Variants in DNM3 observed in about 807,000 individuals in gnomAD.
DNM3 encodes the protein dynamin-3.
A neutral mutation model predicts 101.6 loss-of-function variants in DNM3; 47 were observed. That is an observed-to-expected ratio of 0.46 (90% confidence interval 0.37 to 0.59). The LOEUF (loss-of-function observed/expected upper bound fraction) is 0.59. Ranked by LOEUF, DNM3 falls within the 20% of genes least tolerant of loss-of-function variation. The probability of loss-of-function intolerance (pLI) is 0.00; values close to 1 mark genes in which losing one functional copy is unlikely to be tolerated. For missense variants in DNM3, 849 were observed against 1,085.7 expected, an observed-to-expected ratio of 0.78 and a Z score of 3.06; for synonymous variants, 385 against 387.9, an observed-to-expected ratio of 0.99 and a Z score of 0.09.
rs191833281 is a variant in DNM3, at chr1:171,880,842, C to G, written c.161+39025C>G. Among the ~76,000 whole-genome samples the G allele has an allele frequency of 2.0e-4, 30 of 151,974 alleles. No homozygotes were observed. In the East Asian group the frequency reaches 4.8e-3, roughly 24 times the overall value. ...TATCAGAAAATGATTCCAAAAAGTT[C>G]TTCTGTGAGTTTTATCAACCAGGAG... is the stretch of plus-strand genomic sequence containing the variant. On this transcript the variant is annotated intron_variant, in intron 1 of 20. Transcript: ENST00000627582.
chr1:172,297,058 G>A (rs551792951), intron 15 of DNM3, among the ~76,000 whole-genome samples: 74 of 150,800 alleles, frequency 4.9e-4, no homozygotes, highest in Middle Eastern at 3.4e-3. Flanking sequence ...CAGGAGAATC[G>A]CTTGAACCTG....
chr1:172,059,713 T>C (rs1193292163), intron 10 of DNM3, among the ~76,000 whole-genome samples: 1 of 134,242 alleles, frequency 7.4e-6, no homozygotes, highest in Non-Finnish European at 1.6e-5. Context: ...ATAAGAGCTA[T>C]CTATGACAAA....
At chr1:171,900,079 G>C (rs569967498) in intron 1 of DNM3, among the ~76,000 whole-genome samples, 10 of 152,198 alleles carry the variant, frequency 6.6e-5, no homozygotes, top group East Asian at 1.9e-4. Context: ...AGTAATTTAC[G>C]AGGGCTTAAG....
chr1:172,302,731 C>T (rs1385015458), intron 15 of DNM3, among the ~76,000 whole-genome samples: 1 of 152,126 alleles, frequency 6.6e-6, no homozygotes, highest in East Asian at 1.9e-4. Flanking sequence ...GATACCAAGG[C>T]AAACAGGGTC....
chr1:172,418,344 C>G (rs2071504043), exon 21 of DNM3: 1 of 1,287,404 alleles, frequency 7.8e-7, no homozygotes, highest in African/African-American at 1.5e-5. Flanking sequence ...CCTTTTGTTT[C>G]CAACAACATG....
At chr1:172,095,199 A>G (rs1381954991) in intron 13 of DNM3, among the ~76,000 whole-genome samples, 1 of 152,188 alleles carries the variant, frequency 6.6e-6, no homozygotes, top group African/African-American at 2.4e-5. Flanking sequence ...TAACTGTATC[A>G]TATATTACCC....
chr1:172,060,141 G>A (rs962507803), intron 10 of DNM3, among the ~76,000 whole-genome samples: 1 of 146,150 alleles, frequency 6.8e-6, no homozygotes, highest in African/African-American at 2.5e-5. Context: ...ACTTACAAGG[G>A]ATGTGAAGGA....
rs547864761 is a variant in DNM3, at chr1:172,086,223, A to G, written c.1493+4321A>G. ...TTTGCAGACTCCCAAGTTCTGTAAG[A>G]TTTTCTTGCATAATAGCCTGAGCCT... On this transcript the variant is annotated intron_variant, in intron 12 of 20. Coordinates refer to ENST00000627582, the MANE Select transcript of DNM3 (RefSeq NM_015569.5). 1.3e-3 allele frequency among the ~76,000 whole-genome samples: 202 copies of G among 152,172 alleles called. 2 individuals carry two copies. The highest frequency in any genetic ancestry group is 5.4e-4 in the Non-Finnish European group (37 of 67,988).
At chr1:172,052,488 T>A (rs1363273048) in intron 10 of DNM3, among the ~76,000 whole-genome samples, 1 of 152,204 alleles carries the variant, frequency 6.6e-6, no homozygotes, top group Non-Finnish European at 1.5e-5. Flanking sequence ...AAGTAGTTTA[T>A]GCTTTGCATC....
intron 14 of DNM3, among the ~76,000 whole-genome samples, chr1:172,247,687 A>ATTTG (rs1557877868): frequency 4.0e-5 from 6 of 150,200 alleles, no homozygotes; most frequent in African/African-American, 7.3e-5. Flanking sequence ...TTATTTATTT[A>ATTTG]TTTATTTGTT....
chr1:171,848,983 G>A (rs1465375561), intron 1 of DNM3, among the ~76,000 whole-genome samples: 1 of 152,098 alleles, frequency 6.6e-6, no homozygotes, highest in Non-Finnish European at 1.5e-5. Flanking sequence ...TTGTGACAGT[G>A]TGTCATTTTT....
intron 18 of DNM3, among the ~76,000 whole-genome samples, chr1:172,382,299 T>C (rs1449501546): frequency 6.6e-6 from 1 of 152,158 alleles, no homozygotes; most frequent in African/African-American, 2.4e-5. Context: ...CACCCCATGG[T>C]AAGCCCATTT....
At chr1:172,181,452 T>G (rs566154335) in intron 14 of DNM3, among the ~76,000 whole-genome samples, 14 of 152,160 alleles carry the variant, frequency 9.2e-5, no homozygotes, top group African/African-American at 3.4e-4. Flanking sequence ...TCTATATATA[T>G]CTTGCTATTA....
intron 18 of DNM3, among the ~76,000 whole-genome samples, chr1:172,381,466 CAT>C (rs1411306427): frequency 2.7e-5 from 4 of 150,648 alleles, no homozygotes; most frequent in Admixed American, 2.7e-4. Flanking sequence ...GCTTTTTAAA[CAT>C]ATATAAAAAG....
intron 14 of DNM3, among the ~76,000 whole-genome samples, chr1:172,171,740 T>C (rs907638999): frequency 6.6e-6 from 1 of 151,670 alleles, no homozygotes; most frequent in South Asian, 2.1e-4. Flanking sequence ...CTCACAATGA[T>C]TGTAAAATTG....
intron 2 of DNM3, among the ~76,000 whole-genome samples, chr1:171,956,986 G>A (rs1396239689): frequency 2.0e-5 from 3 of 152,036 alleles, no homozygotes; most frequent in Admixed American, 1.3e-4. Flanking sequence ...ACAGAGCAGG[G>A]GGATCCTGGG....
intron 17 of DNM3, among the ~76,000 whole-genome samples, chr1:172,361,899 A>G (rs1220679825): frequency 6.6e-6 from 1 of 151,984 alleles, no homozygotes; most frequent in Non-Finnish European, 1.5e-5. Flanking sequence ...AATCTGGACC[A>G]TTGCAAATAC....
At chr1:172,255,669 T>C (rs2148694259) in intron 15 of DNM3, among the ~76,000 whole-genome samples, 1 of 152,254 alleles carries the variant, frequency 6.6e-6, no homozygotes, top group East Asian at 1.9e-4. Context: ...CTCAGTGACC[T>C]CAGTGAGTAT....
At chr1:171,977,020 CTA>C (rs1175758546) in intron 2 of DNM3, among the ~76,000 whole-genome samples, 2 of 152,086 alleles carry the variant, frequency 1.3e-5, no homozygotes, top group African/African-American at 4.8e-5. Flanking sequence ...TTTAATTACT[CTA>C]TAGATTTTTA....
Sources: gnomAD v4.1 joint callset for allele counts (sites outside exome capture counted in the v4.1 genomes callset) on GRCh38, gnomAD v4.1.1 for gene constraint, MANE v1.5 for transcripts, NCBI Gene and HGNC (gene_info 2026-07-23, HGNC 2026-07-21) for gene names.